Variants in RGS11 observed in about 807,000 individuals in gnomAD.
RGS11 encodes regulator of G-protein signaling 11.
A neutral mutation model predicts 71.1 loss-of-function variants in RGS11; 86 were observed. That is an observed-to-expected ratio of 1.21 (90% confidence interval 1.02 to 1.45). RGS11 has a LOEUF of 1.45. Among genes scored for constraint, RGS11 ranks in the 40% most tolerant of loss-of-function variants. The probability of loss-of-function intolerance (pLI) is 0.00; values close to 1 mark genes in which losing one functional copy is unlikely to be tolerated. For synonymous variants in RGS11, 298 were observed against 254.2 expected, an observed-to-expected ratio of 1.17 and a Z score of -1.64; for missense variants, 734 against 635.1, an observed-to-expected ratio of 1.16 and a Z score of -1.67.
chr16:270,799 C>A lies in RGS11; in HGVS notation c.1012G>T (p.Glu338Ter). ...ENLSFWEACE[E>*]LRYGAQAQVP... Reference sequence around the variant, plus strand: ...TGGGCCTGCGCTCCATATCGAAGCTCCTCACATGCCTCCCAGAAGCTGAGG... The same window carrying A: ...TGGGCCTGCGCTCCATATCGAAGCTACTCACATGCCTCCCAGAAGCTGAGG... The change falls in exon 14 of 17, where the codon GAG (glutamate) becomes TAG (stop). Residue 338 changes from glutamate to a stop codon, truncating the protein, a stop_gained. Coordinates refer to ENST00000397770, the MANE Select transcript of RGS11 (RefSeq NM_183337.3). LOFTEE classifies it high-confidence loss of function. The A allele has an allele frequency of 6.2e-7, 1 of 1,612,468 alleles. No individual in the cohort carries two copies. Among genetic ancestry groups the A allele is most frequent in the Non-Finnish European group, 8.5e-7 (1 of 1,179,880 alleles).
At position 270,966 on chromosome 16, in the gene RGS11, G is replaced by T; in HGVS notation, c.979+18C>A. ...AGCCTCCCCGCTGGGACTGGAGCAGGGGCTGGGGGGTTCTCACCACTGAAC... is the reference window on the plus strand; with the variant it reads ...AGCCTCCCCGCTGGGACTGGAGCAGTGGCTGGGGGGTTCTCACCACTGAAC... On this transcript the variant is annotated intron_variant, in intron 13 of 16. Transcript: ENST00000397770. 1 of 1,597,272 alleles carries T rather than the reference G, an allele frequency of 6.3e-7. No individual in the cohort carries two copies. The highest frequency in any genetic ancestry group is 8.6e-7 in the Non-Finnish European group (1 of 1,166,584).
At chr16:273,667 G>T in intron 7 of RGS11, 93 bp downstream of exon 7, 1 of 1,522,988 alleles carries the variant, frequency 6.6e-7, no homozygotes. Flanking sequence ...GCCCTCCACG[G>T]TCCCAGGGCC....
chr16:270,621 C>A lies in RGS11; in HGVS notation c.1108G>T (p.Asp370Tyr). The A allele has an allele frequency of 6.2e-7, 1 of 1,608,412 alleles. No homozygotes were observed. The highest frequency in any genetic ancestry group is 8.5e-7 in the Non-Finnish European group (1 of 1,178,104). The change falls in exon 15 of 17, where the codon GAC becomes TAC. Residue 370 changes from aspartate to tyrosine, a missense_variant. By Grantham distance (160) the Asp-to-Tyr change is radical (BLOSUM62 -3). Coordinates refer to ENST00000397770, the MANE Select transcript of RGS11 (RefSeq NM_183337.3). The part of the protein sequence containing the change: ...APGAAHWVNI[D>Y]SRTMEQTLEG... ...AGGGTCTGCTCCATGGTCCGGCTGT[C>A]GATGTTGACCCAGTGGGCAGCTCCG...
chr16:273,467 G>A lies in RGS11; in HGVS notation c.588+8C>T, dbSNP rs1191033411. 1.3e-6 allele frequency: 2 copies of A among 1,547,002 alleles called. No individual in the cohort carries two copies. The highest frequency in any genetic ancestry group is 1.7e-6 in the Non-Finnish European group (2 of 1,145,288). On this transcript the variant is annotated splice_region_variant and intron_variant, in intron 8 of 16. Transcript: ENST00000397770. ...AGCGACCCCCACCCTCACCGCAGGT[G>A]GGCTCACCGGGGGCCTGTTCACCAG... is the stretch of plus-strand genomic sequence containing the variant.
chr16:272,275 C>A, intron 9 of RGS11: 1 of 1,244,038 alleles, frequency 8.0e-7, no homozygotes, highest in Non-Finnish European at 1.0e-6. Context: ...GCGGAGGAGG[C>A]GGACGCGCTG....
chr16:271,393 A>C lies in RGS11; in HGVS notation c.749+6T>G. ...GTCTCCAGCTGCCACCCCTCACCCC[A>C]CTCACGCCTCAAGGCAGACGGAGGA... On this transcript the variant is annotated splice_donor_region_variant and intron_variant, in intron 11 of 16. Transcript: ENST00000397770. The C allele has an allele frequency of 1.2e-6, 2 of 1,613,344 alleles. No homozygotes were observed. The highest frequency in any genetic ancestry group is 2.2e-5 in the East Asian group (1 of 44,874).
At chr16:272,701 G>A in intron 9 of RGS11, 162 bp downstream of exon 9, 5 of 1,478,056 alleles carry the variant, frequency 3.4e-6, no homozygotes, top group Non-Finnish European at 4.5e-6. Context: ...GGGGCCTGGG[G>A]AACAGGGAGT....
intron 8 of RGS11, 55 bp downstream of exon 8, chr16:273,420 C>T (rs996168516): frequency 2.9e-6 from 4 of 1,358,194 alleles, no homozygotes; most frequent in Admixed American, 4.4e-5. Flanking sequence ...GTCAGGGAAG[C>T]ACGCTGACCC....
At chr16:269,407 A>G in intron 16 of RGS11, 24 bp from the exon 17 acceptor site, 1 of 1,594,196 alleles carries the variant, frequency 6.3e-7, no homozygotes, top group East Asian at 2.3e-5. Context: ...GGCGGCTGAG[A>G]ACAGGCTGGC....
intron 9 of RGS11, 22 bp from the exon 10 acceptor site, chr16:271,591 G>T: frequency 6.2e-7 from 1 of 1,612,234 alleles, no homozygotes; most frequent in Non-Finnish European, 8.5e-7. Flanking sequence ...TAGGTGGGCT[G>T]CAGTTAGATG....
rs1200639159 is a variant in RGS11, at chr16:274,032, G to A, written c.429+11C>T. 1 of 1,549,368 alleles carries A rather than the reference G, an allele frequency of 6.5e-7. No individual in the cohort carries two copies. Among genetic ancestry groups the A allele is most frequent in the Non-Finnish European group, 8.7e-7 (1 of 1,146,502 alleles). ...GTACCCAGCCGGGGCGGGAAGGGTG[G>A]GGGGTCCCACCTTCTCATAATCCAC... On this transcript the variant is annotated intron_variant, in intron 6 of 16. Transcript: ENST00000397770.
In RGS11 at chr16:274,203, C is replaced by T. The variant is rs1567240619; in HGVS notation, c.370+11G>A. ...GGGAACTTGTCTGGGGCCAGCCGTC[C>T]CCTTGCTCACCATAGTCCAGCTCTG... is the stretch of plus-strand genomic sequence containing the variant. On this transcript the variant is annotated intron_variant, in intron 5 of 16. Coordinates refer to ENST00000397770, the MANE Select transcript of RGS11 (RefSeq NM_183337.3). The T allele has an allele frequency of 6.2e-7, 1 of 1,608,396 alleles. No individual in the cohort carries two copies. Among genetic ancestry groups the T allele is most frequent in the Non-Finnish European group, 8.5e-7 (1 of 1,177,836 alleles).
Position 271,028 on chromosome 16 carries a change from A to G in RGS11, c.935T>C (p.Val312Ala). ...AAAGTCCATGAAGTGGGCCCGCCCC[A>G]CGGGGTCCTCCAGGAGCTCCCGGAA... ...FSFRELLEDP[V>A]GRAHFMDFLG... The change falls in exon 13 of 17, where the codon GTG becomes GCG. Residue 312 changes from valine (V) to alanine (A), a missense_variant. Transcript: ENST00000397770. 1 of 1,610,174 alleles carries G rather than the reference A, an allele frequency of 6.2e-7. No homozygotes were observed. The highest frequency in any genetic ancestry group is 8.5e-7 in the Non-Finnish European group (1 of 1,179,798).
Position 270,831 on chromosome 16 carries a change from C to T in RGS11, c.980G>A (p.Gly327Glu). ...TGCCTCCCAGAAGCTGAGGTTTTCTCCTGGGGGGCCGGGCACCCAGTCAAG... is the reference window on the plus strand; with the variant it reads ...TGCCTCCCAGAAGCTGAGGTTTTCTTCTGGGGGGCCGGGCACCCAGTCAAG... The part of the protein sequence containing the change: ...FMDFLGKEFS[G>E]ENLSFWEACE... The change falls in exon 14 of 17, where the codon GGA (glycine) becomes GAA (glutamate). Residue 327 changes from glycine to glutamate, a missense_variant and splice_region_variant. Physicochemically the swap from Gly to Glu is moderately conservative, Grantham distance 98 (BLOSUM62 -2). Coordinates refer to ENST00000397770, the MANE Select transcript of RGS11 (RefSeq NM_183337.3). The T allele has an allele frequency of 1.9e-6, 3 of 1,610,266 alleles. No homozygotes were observed. The highest frequency in any genetic ancestry group is 2.5e-6 in the Non-Finnish European group (3 of 1,179,006).
At position 274,260 on chromosome 16, in the gene RGS11, C is replaced by G. The variant is rs370456376; in HGVS notation, c.324G>C (p.Pro108=). The G allele has an allele frequency of 6.2e-7, 1 of 1,610,180 alleles. No homozygotes were observed. Among genetic ancestry groups the G allele is most frequent in the Non-Finnish European group, 8.5e-7 (1 of 1,178,550 alleles). The change falls in exon 5 of 17, where the codon CCG becomes CCC. Residue 108 remains proline, a synonymous_variant. Coordinates refer to ENST00000397770, the MANE Select transcript of RGS11 (RefSeq NM_183337.3). ...PDETPYRFQT[P]YFWTSTLRPA... is the part of the protein sequence containing the mutation. ...GCCTCAGGGTACTTGTCCAGAAGTA[C>G]GGGGTCTGGCGTGGTGCAGGGAGAA...
intron 15 of RGS11, among the ~76,000 whole-genome samples, chr16:270,103 G>A (rs1409329831): frequency 6.6e-6 from 1 of 152,016 alleles, no homozygotes; most frequent in Non-Finnish European, 1.5e-5. Context: ...CAAAAAATTA[G>A]CCGGGCGTGG....
At chr16:275,533 G>GT in intron 1 of RGS11, 35 bp from the exon 2 acceptor site, 1 of 1,481,654 alleles carries the variant, frequency 6.7e-7, no homozygotes, top group Non-Finnish European at 9.1e-7. Flanking sequence ...GTGTCTGGCC[G>GT]CCCCGCAACC....
Position 275,314 on chromosome 16 carries a change from C to T in RGS11, c.180G>A (p.Trp60Ter), listed in dbSNP as rs1567242336. Residue 60 changes from tryptophan (W) to a stop codon, truncating the protein, a stop_gained, in exon 3 of 17, where the codon TGG becomes TGA. Coordinates refer to ENST00000397770, the MANE Select transcript of RGS11 (RefSeq NM_183337.3). LOFTEE classifies it high-confidence loss of function. ...CCGAGACGCAGAACTTCTGGGCCAA[C>T]CACTGCACGACGTCGCTGCCTGCAC... Reference protein sequence around the residue: ...HAVTGSDVVQWLAQKFCVSEE... With the variant: ...HAVTGSDVVQ The T allele has an allele frequency of 3.1e-6, 5 of 1,612,550 alleles. No homozygotes were observed. The highest frequency in any genetic ancestry group is 1.3e-5 in the African/African-American group (1 of 75,054).
intron 12 of RGS11, 40 bp from the exon 13 acceptor site, chr16:271,139 A>C (rs1248631667): frequency 1.2e-6 from 2 of 1,603,446 alleles, no homozygotes; most frequent in Non-Finnish European, 1.7e-6. Context: ...GTGGGGACTG[A>C]CCCTCCTGCG....
Sources: allele counts gnomAD v4.1 joint callset (sites outside exome capture counted in the v4.1 genomes callset), GRCh38; gene constraint gnomAD v4.1.1; transcripts MANE v1.5; gene names NCBI Gene and HGNC (gene_info 2026-07-23, HGNC 2026-07-21).